Variants in ZRANB3 observed in about 807,000 individuals in gnomAD.
ZRANB3 encodes the protein DNA annealing helicase and endonuclease ZRANB3.
Under a neutral mutation model 133.8 loss-of-function variants are expected in ZRANB3, and 125 were observed. The ratio of observed to expected loss-of-function variants is 0.93; its 90% CI spans 0.81 to 1.08. The LOEUF is 1.08. ZRANB3 is among the 50% of genes least tolerant of loss of function. The pLI, the probability that ZRANB3 is intolerant of heterozygous loss-of-function variation, is 0.00. For missense variants in ZRANB3, 1,229 were observed against 1,275.5 expected (o/e 0.96, Z 0.56); for synonymous variants, 387 against 432.7 (o/e 0.89, Z 1.31).
At chr2:135,428,426 C>CAAAAAAAAAAAAAA in intron 2 of ZRANB3, among the ~76,000 whole-genome samples, 1 of 75,242 alleles carries the variant, frequency 1.3e-5, no homozygotes, top group Non-Finnish European at 2.9e-5. Context: ...ACTTTGTTTC[C>CAAAAAAAAAAAAAA]AAAAAAAAAA....
intron 2 of ZRANB3, among the ~76,000 whole-genome samples, chr2:135,409,281 T>C (rs1688195443): frequency 6.6e-6 from 1 of 152,044 alleles, no homozygotes; most frequent in East Asian, 1.9e-4. Context: ...TCCAAACATC[T>C]CCCACCAGGC....
intron 2 of ZRANB3, among the ~76,000 whole-genome samples, chr2:135,455,888 C>G (rs1690496347): frequency 6.6e-6 from 1 of 152,138 alleles, no homozygotes; most frequent in African/African-American, 2.4e-5. Flanking sequence ...GCCACCGCGC[C>G]CGGCCCAACT....
At chr2:135,420,050 C>T (rs1186517559) in intron 2 of ZRANB3, among the ~76,000 whole-genome samples, 1 of 139,854 alleles carries the variant, frequency 7.2e-6, no homozygotes, top group Non-Finnish European at 1.5e-5. Context: ...CTTTTGTGTA[C>T]ATTTTAGATT....
chr2:135,313,309 C>T (rs983874402), intron 8 of ZRANB3, among the ~76,000 whole-genome samples, 180 bp downstream of exon 8: 4 of 148,054 alleles, frequency 2.7e-5, no homozygotes, highest in South Asian at 2.1e-4. Context: ...GCCGAGATCA[C>T]GCCACTGCAT....
At chr2:135,219,255 C>T (rs1694437973) in intron 15 of ZRANB3, 77 bp from the exon 16 acceptor site, 2 of 939,902 alleles carry the variant, frequency 2.1e-6, no homozygotes, top group South Asian at 1.8e-5. Context: ...AAAATAATTA[C>T]ATTATGACAC....
At chr2:135,405,054 T>C (rs1388039199) in intron 2 of ZRANB3, among the ~76,000 whole-genome samples, 1 of 152,142 alleles carries the variant, frequency 6.6e-6, no homozygotes, top group Non-Finnish European at 1.5e-5. Context: ...GACCCATCAG[T>C]GTGCTGTATT....
At chr2:135,249,257 AG>A (rs2105092886) in intron 12 of ZRANB3, among the ~76,000 whole-genome samples, 1 of 152,390 alleles carries the variant, frequency 6.6e-6, no homozygotes, top group East Asian at 1.9e-4. Context: ...ATATGCCCAG[AG>A]GAATAGAAAT....
At position 135,219,181 on chromosome 2, in the gene ZRANB3, G is replaced by C; in HGVS notation, c.2251-3C>G. 6.7e-7 allele frequency: 1 copy of C among 1,502,584 alleles called. No homozygotes were observed. Among genetic ancestry groups the C allele is most frequent in the African/African-American group, 1.4e-5 (1 of 70,494 alleles). The allele number at this position is 1,502,584 out of a possible 1,614,324, so 93.1% of individuals were successfully genotyped here. A position where few individuals can be genotyped will look rare whatever the true frequency, so the allele number is the denominator to read the frequency against. On this transcript the variant is annotated splice_polypyrimidine_tract_variant and splice_region_variant and intron_variant, in intron 15 of 20. Transcript: ENST00000264159. ...TTACAGCTCATCTGTTTTCCATCCT[G>C]ATGATAGATTAGGAAGACACTAATA...
chr2:135,258,843 A>G (rs916747037), intron 12 of ZRANB3, among the ~76,000 whole-genome samples: 1 of 152,226 alleles, frequency 6.6e-6, no homozygotes, highest in African/African-American at 2.4e-5. Context: ...CACAAGTGCC[A>G]CAGCTCCTGT....
chr2:135,270,865 A>G (rs1291925449), intron 10 of ZRANB3, among the ~76,000 whole-genome samples: 1 of 152,226 alleles, frequency 6.6e-6, no homozygotes, highest in Non-Finnish European at 1.5e-5. Context: ...CATTTACAAC[A>G]AAGTATTTTA....
At chr2:135,235,114 G>A (rs544298120) in intron 12 of ZRANB3, among the ~76,000 whole-genome samples, 6,800 of 152,146 alleles carry the variant, frequency 0.045, 510 homozygotes, top group African/African-American at 0.16. Context: ...TATCACCACC[G>A]ATCCCACAGA....
chr2:135,505,347 G>A (rs1288446441), intron 1 of ZRANB3, among the ~76,000 whole-genome samples: 1 of 152,120 alleles, frequency 6.6e-6, no homozygotes, highest in Non-Finnish European at 1.5e-5. Flanking sequence ...AGGCCGAGGT[G>A]GGTGGATCAT....
intron 1 of ZRANB3, among the ~76,000 whole-genome samples, chr2:135,506,018 G>A (rs1693167688): frequency 6.6e-6 from 1 of 152,128 alleles, no homozygotes; most frequent in African/African-American, 2.4e-5. Flanking sequence ...AAAATTAAGA[G>A]AAGAGCAGTC....
chr2:135,208,104 T>C (rs1234158607), intron 18 of ZRANB3, among the ~76,000 whole-genome samples: 1 of 152,182 alleles, frequency 6.6e-6, no homozygotes, highest in Non-Finnish European at 1.5e-5. Flanking sequence ...TCTGGAAACA[T>C]GTGAAACATC....
intron 2 of ZRANB3, among the ~76,000 whole-genome samples, chr2:135,455,171 CTTTTTTTTTTTTTTTTTTT>C (rs1166170814): frequency 1.3e-4 from 5 of 37,594 alleles, no homozygotes; most frequent in African/African-American, 1.9e-4. Context: ...CCTTCTTATA[CTTTTTTTTTTTTTTTTTTT>C]TTTTTTTTTT....
In ZRANB3 at chr2:135,205,022, C is replaced by A. The variant is rs926389715; in HGVS notation, c.3010-2059G>T. ...CCTGGGATGTGTACAATATGTCCCT[C>A]GCCAATGAGACCAAAAGATCTTTCA... On this transcript the variant is annotated intron_variant, in intron 19 of 20. Transcript: ENST00000264159. Among the ~76,000 whole-genome samples, 6 of 151,922 alleles carry A rather than the reference C, an allele frequency of 3.9e-5. No individual in the cohort carries two copies. The South Asian group carries it at 1.2e-3, about 31-fold the overall frequency.
At position 135,435,821 on chromosome 2, in the gene ZRANB3, CT is replaced by C. The variant is rs1205156129; in HGVS notation, c.162-45002del. 5.9e-5 allele frequency among the ~76,000 whole-genome samples: 9 copies of C among 152,212 alleles called. No homozygotes were observed. In the East Asian group the frequency reaches 1.7e-3, roughly 29 times the overall value. Reference sequence around the variant, plus strand: ...AGTGTCTGTTCATGTCCTTTGCCCACTTTTTAATGGGGTTATTTTTCTCTTG... The same window carrying C: ...AGTGTCTGTTCATGTCCTTTGCCCACTTTTAATGGGGTTATTTTTCTCTTG... On this transcript the variant is annotated intron_variant, in intron 2 of 20. Coordinates refer to ENST00000264159, the MANE Select transcript of ZRANB3 (RefSeq NM_032143.4).
chr2:135,496,688 T>A (rs1559038143), intron 2 of ZRANB3, among the ~76,000 whole-genome samples: 1 of 152,256 alleles, frequency 6.6e-6, no homozygotes. Flanking sequence ...CTTTCTGAAA[T>A]TAAGAACAGA....
intron 15 of ZRANB3, among the ~76,000 whole-genome samples, chr2:135,222,575 G>C (rs1216297129): frequency 1.3e-5 from 2 of 151,960 alleles, no homozygotes; most frequent in Non-Finnish European, 2.9e-5. Context: ...ACAAATGTAT[G>C]GTGACTTTTT....
Sources: allele counts gnomAD v4.1 joint callset (sites outside exome capture counted in the v4.1 genomes callset), GRCh38; gene constraint gnomAD v4.1.1; transcripts MANE v1.5; gene names NCBI Gene and HGNC (gene_info 2026-07-23, HGNC 2026-07-21).